SEZ6L2: variants seen among roughly 807,000 people sequenced by gnomAD.
SEZ6L2 encodes the protein seizure 6-like protein 2.
In SEZ6L2, 44 loss-of-function variants were observed where a neutral mutation model predicts 97.0. The observed-to-expected ratio is 0.45, with a 90% CI of 0.36 to 0.58. SEZ6L2 has a LOEUF of 0.58. Ranked by LOEUF, SEZ6L2 falls within the 20% of genes least tolerant of loss-of-function variation. The pLI is 0.00. For synonymous variants in SEZ6L2, 543 were observed against 546.1 expected (o/e 0.99, Z 0.08); for missense variants, 1,086 against 1,233.3 (o/e 0.88, Z 1.79).
At chr16:29,895,655 G>T in intron 4 of SEZ6L2, 66 bp downstream of exon 4, 1 of 1,549,054 alleles carries the variant, frequency 6.5e-7, no homozygotes, top group South Asian at 1.2e-5. Context: ...GGCCAAACCC[G>T]TGCACACCCA....
chr16:29,895,075 A>G (rs544642295), intron 5 of SEZ6L2, among the ~76,000 whole-genome samples, 184 bp downstream of exon 5: 1 of 150,654 alleles, frequency 6.6e-6, no homozygotes, highest in South Asian at 2.1e-4. Flanking sequence ...GCTACTTGAG[A>G]GGCTGAGGCA....
At position 29,897,061 on chromosome 16, in the gene SEZ6L2, G is replaced by T. The variant is rs757593078; in HGVS notation, c.272C>A (p.Ser91Tyr). The T allele has an allele frequency of 1.9e-6, 3 of 1,582,288 alleles. No homozygotes were observed. Among genetic ancestry groups the T allele is most frequent in the Non-Finnish European group, 2.6e-6 (3 of 1,171,912 alleles). Residue 91 changes from serine (S) to tyrosine (Y), a missense_variant, in exon 3 of 18, where the codon TCC becomes TAC. Physicochemically the swap from Ser to Tyr is moderately radical, Grantham distance 144. Around this residue, in one of 2 missense-constraint regions of SEZ6L2, gnomAD observed 776 missense variants for 794.7 expected, o/e 0.98. Transcript: ENST00000617533. ...CCCCGGCTCAGTGGCCCGTGGCAGGGAGGGCACTGCGAGAGTCTGGCCGGC... is the reference window on the plus strand; with the variant it reads ...CCCCGGCTCAGTGGCCCGTGGCAGGTAGGGCACTGCGAGAGTCTGGCCGGC... ...PPAGQTLAVP[S>Y]LPRATEPGTG...
intron 15 of SEZ6L2, 22 bp from the exon 16 acceptor site, chr16:29,872,548 G>A: frequency 6.2e-7 from 1 of 1,611,366 alleles, no homozygotes; most frequent in Non-Finnish European, 8.5e-7. Flanking sequence ...GGAGAGGCCG[G>A]TGAGCTGTGG....
At chr16:29,893,014 G>T (rs1256275670) in intron 5 of SEZ6L2, among the ~76,000 whole-genome samples, 1 of 152,114 alleles carries the variant, frequency 6.6e-6, no homozygotes, top group African/African-American at 2.4e-5. Context: ...CAAATCTGAG[G>T]CTTTCACTTT....
Position 29,877,447 on chromosome 16 carries a change from T to C in SEZ6L2, c.1733A>G (p.Asp578Gly). Residue 578 changes from aspartate (D) to glycine (G), a missense_variant, in exon 11 of 18, where the codon GAC becomes GGC. Physicochemically the swap from Asp to Gly is moderately conservative, Grantham distance 94. Transcript: ENST00000617533. ...QVEILNVREG[D>G]MLTLFDGDGP... ...GTCCCCGTCGAACAGCGTCAGCATG[T>C]CCCCTTCCCGCACATTCAATCTGCA... The C allele has an allele frequency of 3.1e-6, 5 of 1,601,092 alleles. No individual in the cohort carries two copies. The highest frequency in any genetic ancestry group is 4.3e-6 in the Non-Finnish European group (5 of 1,173,526).
chr16:29,880,715 C>T (rs2068013202), intron 8 of SEZ6L2, among the ~76,000 whole-genome samples: 1 of 151,964 alleles, frequency 6.6e-6, no homozygotes, highest in Non-Finnish European at 1.5e-5. Flanking sequence ...CCTCAGCCTC[C>T]CAAAATGCTG....
rs993224510 is a variant in SEZ6L2, at chr16:29,873,102, G to A, written c.2488+138C>T. Reference sequence around the variant, plus strand: ...CGACCCAGGGCTTCTGGACACACCCGTGAGGACACGAGGCCACAGGAGGAG... The same window carrying A: ...CGACCCAGGGCTTCTGGACACACCCATGAGGACACGAGGCCACAGGAGGAG... On this transcript the variant is annotated intron_variant, in intron 14 of 17. Coordinates refer to ENST00000617533, the MANE Select transcript of SEZ6L2 (RefSeq NM_001243332.2). This position sits in a 1 kb window ranked among gnomAD's most constrained non-coding sequence, Gnocchi z 4.3. 3.5e-5 allele frequency: 34 copies of A among 981,460 alleles called. No homozygotes were observed. In the African/African-American group the frequency reaches 4.2e-4, roughly 12 times the overall value. The allele number at this position is 981,460 out of a possible 1,614,324, so 60.8% of individuals were successfully genotyped here.
chr16:29,879,946 C>T lies in SEZ6L2; in HGVS notation c.1491G>A (p.Leu497=), dbSNP rs766211688. Reference sequence around the variant, plus strand: ...TGGCATTGGGGGGCCCAGGGGGCTCCAGGGCATATCCTGGGAGGCACGAGA... The same window carrying T: ...TGGCATTGGGGGGCCCAGGGGGCTCTAGGGCATATCCTGGGAGGCACGAGA... The part of the protein sequence containing the change: ...ATFSCLPGYA[L]EPPGPPNAIE... Residue 497 remains leucine, a synonymous_variant, in exon 9 of 18, where the codon CTG becomes CTA. Transcript: ENST00000617533. 42 of 1,614,144 alleles carry T rather than the reference C, an allele frequency of 2.6e-5. No individual in the cohort carries two copies. The highest frequency in any genetic ancestry group is 6.6e-5 in the South Asian group (6 of 91,078).
At position 29,895,198 on chromosome 16, in the gene SEZ6L2, A is replaced by T. The variant is rs2068355135; in HGVS notation, c.853+61T>A. ...TGTCTCAAAAAAAAAAAAAAAAAAA[A>T]AGATGTCCAGTGTATGCAGTATGGC... On this transcript the variant is annotated intron_variant, in intron 5 of 17. Transcript: ENST00000617533. 48 of 1,084,046 alleles carry T rather than the reference A, an allele frequency of 4.4e-5. No homozygotes were observed. In the South Asian group the frequency reaches 6.1e-4, roughly 14 times the overall value. The allele number at this position is 1,084,046 out of a possible 1,614,324, so 67.2% of individuals were successfully genotyped here.
intron 12 of SEZ6L2, among the ~76,000 whole-genome samples, chr16:29,874,129 T>C (rs1382995872): frequency 6.6e-6 from 1 of 152,190 alleles, no homozygotes; most frequent in East Asian, 1.9e-4. Context: ...GCAGTGCATC[T>C]ATTTTCAGGC....
intron 11 of SEZ6L2, 108 bp downstream of exon 11, chr16:29,877,163 G>A: frequency 7.8e-7 from 1 of 1,276,058 alleles, no homozygotes; most frequent in South Asian, 1.6e-5. Flanking sequence ...TCCCGCCTCG[G>A]CCTCCCAAGG....
Position 29,899,549 on chromosome 16 carries a change from A to T in SEZ6L2, c.-530T>A, listed in dbSNP as rs2150823861. On this transcript the variant is annotated 5_prime_UTR_variant, in exon 1 of 18. Coordinates refer to ENST00000617533, the MANE Select transcript of SEZ6L2 (RefSeq NM_001243332.2). Reference sequence around the variant, plus strand: ...CTGGAGCTGCGGGAGGGAGAAGCTGAGAAAGGTATCGAGCCCACGTCAGAT... The same window carrying T: ...CTGGAGCTGCGGGAGGGAGAAGCTGTGAAAGGTATCGAGCCCACGTCAGAT... 1 of 159,590 alleles carries T rather than the reference A, an allele frequency of 6.3e-6. No homozygotes were observed. Among genetic ancestry groups the T allele is most frequent in the South Asian group, 1.6e-4 (1 of 6,088 alleles). 9.9% of individuals were successfully genotyped at this position (159,590 alleles called of 1,614,324 possible). A position where few individuals can be genotyped will look rare whatever the true frequency, so the allele number is the denominator to read the frequency against.
At chr16:29,880,238 C>T (rs2068002724) in intron 8 of SEZ6L2, among the ~76,000 whole-genome samples, 174 bp from the exon 9 acceptor site, 4 of 151,626 alleles carry the variant, frequency 2.6e-5, no homozygotes, top group African/African-American at 9.7e-5. Context: ...CCTTGGCTCA[C>T]TGCAGCCTCT....
chr16:29,873,790 A>C lies in SEZ6L2; in HGVS notation c.2105-61T>G, dbSNP rs1204034368. 44 of 1,429,476 alleles carry C rather than the reference A, an allele frequency of 3.1e-5. No individual in the cohort carries two copies. The highest frequency in any genetic ancestry group is 4.0e-5 in the Non-Finnish European group (43 of 1,065,656). 88.5% of individuals were successfully genotyped at this position (1,429,476 alleles called of 1,614,324 possible). On this transcript the variant is annotated intron_variant, in intron 12 of 17. Transcript: ENST00000617533. The surrounding 1 kb of genome is among the most constrained non-coding windows in gnomAD (Gnocchi z 4.3). ...GCCTTCAAAGATCAGCCTGGGCAAC[A>C]CAGAGAGACCCCATCTCTACAAAAA...
At chr16:29,885,133 G>A (rs1391234077) in intron 8 of SEZ6L2, among the ~76,000 whole-genome samples, 2 of 152,146 alleles carry the variant, frequency 1.3e-5, no homozygotes, top group Non-Finnish European at 2.9e-5. Flanking sequence ...GCGTGAACCC[G>A]GAAGGCGGAG....
At position 29,873,511 on chromosome 16, in the gene SEZ6L2, C is replaced by A. The variant is rs1235051270; in HGVS notation, c.2296+27G>T. ...GGGCTCTCCCAGGGCTACCCAGCCA[C>A]CCTCCCAGGGTGTGCCCCAGACTCA... On this transcript the variant is annotated intron_variant, in intron 13 of 17. Transcript: ENST00000617533. This position sits in a 1 kb window ranked among gnomAD's most constrained non-coding sequence, Gnocchi z 4.3. 4 of 1,614,070 alleles carry A rather than the reference C, an allele frequency of 2.5e-6. No individual in the cohort carries two copies. The highest frequency in any genetic ancestry group is 2.2e-5 in the South Asian group (2 of 91,076).
chr16:29,886,984 C>G (rs1273004208), intron 7 of SEZ6L2, among the ~76,000 whole-genome samples: 1 of 151,926 alleles, frequency 6.6e-6, no homozygotes, highest in African/African-American at 2.4e-5. Context: ...GAGTTTGAGA[C>G]CAGCCTGACC....
intron 8 of SEZ6L2, among the ~76,000 whole-genome samples, chr16:29,884,419 C>A (rs1042226743): frequency 2.0e-5 from 3 of 151,894 alleles, no homozygotes; most frequent in African/African-American, 7.3e-5. Flanking sequence ...TGGTGAAACC[C>A]CGTCTCTACT....
rs1213189284 is a variant in SEZ6L2 at position 29,873,303 on chromosome 16, C to A, written c.2425G>T (p.Val809Phe). 2 of 1,614,206 alleles carry A rather than the reference C, an allele frequency of 1.2e-6. No homozygotes were observed. The change falls in exon 14 of 18, where the codon GTC (valine) becomes TTC (phenylalanine). Residue 809 changes from valine to phenylalanine, a missense_variant. Coordinates refer to ENST00000617533, the MANE Select transcript of SEZ6L2 (RefSeq NM_001243332.2). The surrounding 1 kb of genome is among the most constrained non-coding windows in gnomAD (Gnocchi z 4.3). ...TGGCCGGGCACACAGGTGATGGTGACCTCGCCGATAAGCTCAAAGCCCTCA... is the reference window on the plus strand; with the variant it reads ...TGGCCGGGCACACAGGTGATGGTGAACTCGCCGATAAGCTCAAAGCCCTCA... ...CYEGFELIGEVTITCVPGHPS... is the reference protein window; with the variant it reads ...CYEGFELIGEFTITCVPGHPS...
Sources: gnomAD v4.1 joint callset for allele counts (sites outside exome capture counted in the v4.1 genomes callset) on GRCh38, gnomAD v4.1.1 for gene constraint, gnomAD v4.1.1 regional missense constraint, Gnocchi (gnomAD v3.1) non-coding constraint, MANE v1.5 for transcripts, NCBI Gene and HGNC (gene_info 2026-07-23, HGNC 2026-07-21) for gene names.